Variants in HS3ST5 observed in about 807,000 individuals in gnomAD.
HS3ST5 encodes the protein heparan sulfate-glucosamine 3-sulfotransferase 5.
HS3ST5 carries 10 observed loss-of-function variants against 25.4 expected under a neutral mutation model. The observed-to-expected ratio is 0.39, with a 90% CI of 0.24 to 0.67. The LOEUF (loss-of-function observed/expected upper bound fraction) is 0.67. HS3ST5 is among the 30% of genes least tolerant of loss of function. The pLI is 0.44. For synonymous variants in HS3ST5, 170 were observed against 162.4 expected, an observed-to-expected ratio of 1.05 and a Z score of -0.36; for missense variants, 324 against 420.7, an observed-to-expected ratio of 0.77 and a Z score of 2.01.
chr6:114,086,723 A>C (rs1774855206), intron 3 of HS3ST5, among the ~76,000 whole-genome samples: 1 of 152,242 alleles, frequency 6.6e-6, no homozygotes, highest in Admixed American at 6.5e-5. Context: ...TAGCTTTAAG[A>C]AAAAACAAAA....
chr6:114,149,626 T>C (rs541165831), intron 3 of HS3ST5, among the ~76,000 whole-genome samples: 2 of 152,070 alleles, frequency 1.3e-5, no homozygotes, highest in African/African-American at 4.8e-5. Context: ...AAATACCTAA[T>C]GCATGTGGGG....
intron 1 of HS3ST5, among the ~76,000 whole-genome samples, chr6:114,290,166 G>C (rs1008673862): frequency 1.3e-5 from 2 of 152,064 alleles, no homozygotes; most frequent in African/African-American, 4.8e-5. Context: ...GGTTGTTGTT[G>C]TTTCTATTGT....
At chr6:114,311,689 C>A (rs950451373) in intron 1 of HS3ST5, among the ~76,000 whole-genome samples, 24 of 151,666 alleles carry the variant, frequency 1.6e-4, no homozygotes, top group African/African-American at 5.8e-4. Flanking sequence ...ACTACAGGCA[C>A]GCAACACCAC....
intron 3 of HS3ST5, among the ~76,000 whole-genome samples, chr6:114,166,617 G>A (rs1779220108): frequency 6.6e-6 from 1 of 152,166 alleles, no homozygotes; most frequent in Non-Finnish European, 1.5e-5. Context: ...TACACAGGGT[G>A]AGGGAGGGAC....
intron 3 of HS3ST5, among the ~76,000 whole-genome samples, chr6:114,146,133 A>G (rs899242581): frequency 2.0e-5 from 3 of 151,788 alleles, no homozygotes. Context: ...GCTTCTAGAT[A>G]TGTCTCTTCT....
At chr6:114,270,469 T>G (rs559841869) in intron 1 of HS3ST5, among the ~76,000 whole-genome samples, 37 of 152,332 alleles carry the variant, frequency 2.4e-4, no homozygotes, top group Middle Eastern at 3.4e-3. Context: ...TGGTACAAAT[T>G]GATGCATGCT....
chr6:114,280,232 G>A (rs1774045967), intron 1 of HS3ST5, among the ~76,000 whole-genome samples: 1 of 151,954 alleles, frequency 6.6e-6, no homozygotes, highest in African/African-American at 2.4e-5. Flanking sequence ...AAATTGTTCA[G>A]GGTGATTTCA....
chr6:114,292,303 G>A (rs1041083897), intron 1 of HS3ST5, among the ~76,000 whole-genome samples: 6 of 152,130 alleles, frequency 3.9e-5, no homozygotes, highest in African/African-American at 1.4e-4. Flanking sequence ...GTCTGGTGTG[G>A]GCCTTCTTGC....
At chr6:114,185,482 G>A (rs1780177609) in intron 2 of HS3ST5, among the ~76,000 whole-genome samples, 1 of 152,090 alleles carries the variant, frequency 6.6e-6, no homozygotes, top group African/African-American at 2.4e-5. Flanking sequence ...ATAAATGTTT[G>A]TTGTCTAAGC....
chr6:114,221,689 A>C (rs1782049087), intron 2 of HS3ST5, among the ~76,000 whole-genome samples: 1 of 151,752 alleles, frequency 6.6e-6, no homozygotes, highest in South Asian at 2.1e-4. Flanking sequence ...TTTTCTGATA[A>C]TCAAGTAAGA....
At chr6:114,078,222 T>C (rs1271730170) in intron 3 of HS3ST5, among the ~76,000 whole-genome samples, 1 of 152,180 alleles carries the variant, frequency 6.6e-6, no homozygotes, top group Non-Finnish European at 1.5e-5. Flanking sequence ...TCTTTTTTTT[T>C]CTGAGACGGG....
chr6:114,203,761 A>G (rs1781137801), intron 2 of HS3ST5, among the ~76,000 whole-genome samples: 1 of 152,116 alleles, frequency 6.6e-6, no homozygotes, highest in Non-Finnish European at 1.5e-5. Context: ...CTGCCAAATT[A>G]TCCTTACAAA....
intron 3 of HS3ST5, among the ~76,000 whole-genome samples, chr6:114,095,188 C>T (rs1478640501): frequency 1.3e-5 from 2 of 152,178 alleles, no homozygotes; most frequent in African/African-American, 2.4e-5. Flanking sequence ...ATACACTTCA[C>T]TTTTGGCCCT....
intron 3 of HS3ST5, among the ~76,000 whole-genome samples, chr6:114,104,989 G>C (rs1775920287): frequency 6.6e-6 from 1 of 152,002 alleles, no homozygotes; most frequent in African/African-American, 2.4e-5. Context: ...AAAAAAGTTT[G>C]TGCTAATGAC....
chr6:114,062,605 A>G (rs1352144611), intron 4 of HS3ST5, 134 bp downstream of exon 4: 3 of 643,244 alleles, frequency 4.7e-6, no homozygotes, highest in Non-Finnish European at 2.8e-6. Context: ...ATCAAAATCA[A>G]TACTGCAGAA....
chr6:114,138,194 C>T (rs974592602), intron 3 of HS3ST5, among the ~76,000 whole-genome samples: 2 of 152,158 alleles, frequency 1.3e-5, no homozygotes, highest in Non-Finnish European at 2.9e-5. Flanking sequence ...ACTTATTGAA[C>T]ATCTATATGC....
intron 3 of HS3ST5, among the ~76,000 whole-genome samples, chr6:114,130,127 T>C (rs946290554): frequency 6.6e-6 from 1 of 152,242 alleles, no homozygotes; most frequent in African/African-American, 2.4e-5. Context: ...TGGTAGCCAC[T>C]AGCCATATTT....
intron 1 of HS3ST5, among the ~76,000 whole-genome samples, chr6:114,244,160 A>G (rs1360947664): frequency 1.3e-5 from 2 of 152,210 alleles, no homozygotes; most frequent in Non-Finnish European, 2.9e-5. Flanking sequence ...TGCTATCTGA[A>G]TTCCCTTTAC....
intron 1 of HS3ST5, among the ~76,000 whole-genome samples, chr6:114,231,062 T>C (rs1771566919): frequency 6.6e-6 from 1 of 152,118 alleles, no homozygotes; most frequent in Non-Finnish European, 1.5e-5. Context: ...GGGAGGTGAC[T>C]GGATCATGGG....
Sources: allele counts gnomAD v4.1 joint callset (sites outside exome capture counted in the v4.1 genomes callset), GRCh38; gene constraint gnomAD v4.1.1; transcripts MANE v1.5; gene names NCBI Gene and HGNC (gene_info 2026-07-23, HGNC 2026-07-21).